The following TECRL variants were observed in gnomAD, a reference collection of about 807,000 sequenced individuals.
TECRL encodes the protein trans-2,3-enoyl-CoA reductase-like.
TECRL carries 63 observed loss-of-function variants against 52.8 expected under a neutral mutation model. The observed-to-expected ratio is 1.19, with a 90% confidence interval of 0.97 to 1.47. The LOEUF (loss-of-function observed/expected upper bound fraction) is 1.47. Among genes scored for constraint, TECRL ranks in the 40% most tolerant of loss-of-function variants. The pLI is 0.00. For synonymous variants in TECRL, 164 were observed against 141.9 expected, an observed-to-expected ratio of 1.16 and a Z score of -1.10; for missense variants, 482 against 429.6, an observed-to-expected ratio of 1.12 and a Z score of -1.08.
intron 2 of TECRL, among the ~76,000 whole-genome samples, chr4:64,335,582 A>G (rs931590128): frequency 3.9e-5 from 6 of 152,218 alleles, no homozygotes; most frequent in South Asian, 4.2e-4. Context: ...CCTTCCATGA[A>G]ACTGGTCTCT....
chr4:64,367,055 T>TA (rs1364735000), intron 2 of TECRL, among the ~76,000 whole-genome samples: 1 of 151,986 alleles, frequency 6.6e-6, no homozygotes, highest in Non-Finnish European at 1.5e-5. Context: ...TATGCAGCCA[T>TA]AAAAAAGAAT....
At chr4:64,297,080 G>A (rs902268590) in intron 8 of TECRL, among the ~76,000 whole-genome samples, 1 of 151,408 alleles carries the variant, frequency 6.6e-6, no homozygotes, top group Admixed American at 6.6e-5. Context: ...CCACCAAATA[G>A]GAACCTGATT....
intron 2 of TECRL, among the ~76,000 whole-genome samples, chr4:64,336,327 T>C (rs1178693667): frequency 5.9e-5 from 9 of 152,178 alleles, no homozygotes; most frequent in Non-Finnish European, 7.3e-5. Context: ...TCTCTGATGG[T>C]AGTTTGTATT....
chr4:64,380,494 C>A (rs886101313), intron 1 of TECRL, among the ~76,000 whole-genome samples: 3 of 151,884 alleles, frequency 2.0e-5, no homozygotes, highest in Admixed American at 6.6e-5. Context: ...TGTTCTGAAT[C>A]TTTTCTCCTA....
At chr4:64,397,490 T>A (rs185984347) in intron 1 of TECRL, among the ~76,000 whole-genome samples, 1 of 151,576 alleles carries the variant, frequency 6.6e-6, no homozygotes, top group East Asian at 2.0e-4. Context: ...TGTGAGGTTA[T>A]TAGGGATTAG....
chr4:64,374,076 T>TAGTAG (rs1447879128), intron 2 of TECRL, among the ~76,000 whole-genome samples: 2 of 104,232 alleles, frequency 1.9e-5, no homozygotes, highest in African/African-American at 7.1e-5. Context: ...TATATATATA[T>TAGTAG]ATATATTTAT....
intron 2 of TECRL, among the ~76,000 whole-genome samples, chr4:64,350,823 T>C (rs1720340781): frequency 6.6e-6 from 1 of 151,892 alleles, no homozygotes; most frequent in Admixed American, 6.6e-5. Context: ...TTCTTTTGGT[T>C]CTGTTTCTCT....
intron 1 of TECRL, among the ~76,000 whole-genome samples, chr4:64,393,646 T>C (rs1723709851): frequency 6.6e-6 from 1 of 151,890 alleles, no homozygotes; most frequent in Non-Finnish European, 1.5e-5. Flanking sequence ...TGCTTCTATA[T>C]TGAGTAGTTT....
intron 5 of TECRL, among the ~76,000 whole-genome samples, chr4:64,313,496 T>G: frequency 6.8e-6 from 1 of 146,692 alleles, no homozygotes. Context: ...TTTTTTTTTT[T>G]TTTGAGACGG....
chr4:64,339,097 G>A (rs368177626), intron 2 of TECRL, among the ~76,000 whole-genome samples: 1 of 151,980 alleles, frequency 6.6e-6, no homozygotes, highest in Non-Finnish European at 1.5e-5. Context: ...GGAATACTAT[G>A]TAGCCATAAA....
chr4:64,303,395 A>T (rs1007886786), intron 7 of TECRL, among the ~76,000 whole-genome samples: 1 of 151,696 alleles, frequency 6.6e-6, no homozygotes, highest in South Asian at 2.1e-4. Flanking sequence ...CTCAAGATAA[A>T]GATGATATGC....
chr4:64,369,844 A>G (rs1721864235), intron 2 of TECRL, among the ~76,000 whole-genome samples: 1 of 151,982 alleles, frequency 6.6e-6, no homozygotes, highest in African/African-American at 2.4e-5. Flanking sequence ...TATTAGTAGT[A>G]TTATAAATGT....
intron 2 of TECRL, among the ~76,000 whole-genome samples, chr4:64,350,586 A>T (rs550531655): frequency 7.9e-5 from 12 of 152,308 alleles, no homozygotes; most frequent in Non-Finnish European, 2.9e-5. Flanking sequence ...TAATATTTAA[A>T]TAGGTGGACT....
At chr4:64,298,330 G>C (rs986261591) in intron 8 of TECRL, among the ~76,000 whole-genome samples, 1 of 150,920 alleles carries the variant, frequency 6.6e-6, no homozygotes. Flanking sequence ...TTTTTGCCTG[G>C]GGCTGTATGA....
At chr4:64,340,405 C>G (rs1719475535) in intron 2 of TECRL, among the ~76,000 whole-genome samples, 1 of 152,252 alleles carries the variant, frequency 6.6e-6, no homozygotes, top group African/African-American at 2.4e-5. Flanking sequence ...TTGAAAGTGT[C>G]TGCTCCAGCT....
At chr4:64,277,109 TTAAC>T, downstream of TECRL, 1 of 1,269,006 alleles carries the variant, frequency 7.9e-7, no homozygotes. Flanking sequence ...AAGATATCCT[TTAAC>T]TAAGGTATGT....
intron 3 of TECRL, among the ~76,000 whole-genome samples, chr4:64,323,440 T>A (rs903221101): frequency 2.6e-5 from 4 of 152,086 alleles, no homozygotes; most frequent in Non-Finnish European, 5.9e-5. Context: ...TTTTGAGTGT[T>A]AGTAGAACTA....
Position 64,280,193 on chromosome 4 carries a change from A to G in TECRL, c.971T>C (p.Ile324Thr). The part of the protein sequence containing the change: ...TVMTQTLPVG[I>T]FTLLMSIQMS... ...CTGGATACTCATCAGAAGTGTAAAA[A>G]TTCCAACTAGAAGAAAAAAGAAATA... Residue 324 changes from isoleucine to threonine, a missense_variant, in exon 12 of 12, where the codon ATT (isoleucine) becomes ACT (threonine). By Grantham distance (89) the Ile-to-Thr change is moderately conservative (BLOSUM62 -1). Transcript: ENST00000381210. The G allele has an allele frequency of 6.6e-7, 1 of 1,513,404 alleles. No homozygotes were observed. Among genetic ancestry groups the G allele is most frequent in the Non-Finnish European group, 8.8e-7 (1 of 1,132,656 alleles). 93.7% of individuals were successfully genotyped at this position (1,513,404 alleles called of 1,614,324 possible). A position where few individuals can be genotyped will look rare whatever the true frequency, so the allele number is the denominator to read the frequency against.
In TECRL at chr4:64,314,226, T is replaced by C. The variant is rs867788415; in HGVS notation, c.551+422A>G. Among the ~76,000 whole-genome samples the C allele has an allele frequency of 2.4e-4, 36 of 152,012 alleles. No individual in the cohort carries two copies. The Middle Eastern group carries it at 0.01, about 43-fold the overall frequency. On this transcript the variant is annotated intron_variant, in intron 5 of 11. Transcript: ENST00000381210. ...TAACTTGTAAACTTTTTTCTTCCTG[T>C]TCATTACTTAGGTCATTATTTCTTT...
Sources: allele counts gnomAD v4.1 joint callset (sites outside exome capture counted in the v4.1 genomes callset), GRCh38; gene constraint gnomAD v4.1.1; transcripts MANE v1.5; gene names NCBI Gene and HGNC (gene_info 2026-07-23, HGNC 2026-07-21).